Variants in CDC14B observed in about 807,000 individuals in gnomAD.
The protein encoded by CDC14B is dual specificity protein phosphatase CDC14B.
A neutral mutation model predicts 64.2 loss-of-function variants in CDC14B; 22 were observed. That is an observed-to-expected ratio of 0.34 (90% CI 0.24 to 0.49). The LOEUF (loss-of-function observed/expected upper bound fraction) is 0.49. Among genes scored for constraint, CDC14B ranks in the 20% least tolerant of loss-of-function variants. The pLI, the probability that CDC14B is intolerant of heterozygous loss-of-function variation, is 0.99. For missense variants in CDC14B, 498 were observed against 629.9 expected, an observed-to-expected ratio of 0.79 and a Z score of 2.24; for synonymous variants, 191 against 215.8, an observed-to-expected ratio of 0.89 and a Z score of 1.01.
chr9:96,529,723 G>A (rs548406724), intron 9 of CDC14B, among the ~76,000 whole-genome samples: 5 of 151,922 alleles, frequency 3.3e-5, no homozygotes, highest in African/African-American at 9.7e-5. Context: ...AAACTCCTGG[G>A]CTCAAGCAAT....
chr9:96,564,933 A>C, intron 2 of CDC14B, 81 bp from the exon 3 acceptor site: 1 of 867,786 alleles, frequency 1.2e-6, no homozygotes, highest in East Asian at 2.7e-5. Context: ...TACAAGATCA[A>C]ATTAAGATAA....
intron 1 of CDC14B, among the ~76,000 whole-genome samples, chr9:96,585,193 G>A (rs1845387927): frequency 6.6e-6 from 1 of 151,574 alleles, no homozygotes; most frequent in Non-Finnish European, 1.5e-5. Flanking sequence ...AAAGAAAATG[G>A]TGTGGAAGGG....
intron 1 of CDC14B, among the ~76,000 whole-genome samples, chr9:96,573,065 T>C (rs1285249629): frequency 2.0e-5 from 3 of 152,270 alleles, no homozygotes; most frequent in Admixed American, 6.5e-5. Flanking sequence ...TCCCAGCACT[T>C]TGGGAGGCCG....
chr9:96,494,604 G>C (rs1833169698), intron 13 of CDC14B, among the ~76,000 whole-genome samples: 1 of 152,162 alleles, frequency 6.6e-6, no homozygotes, highest in South Asian at 2.1e-4. Context: ...TCCCAAACCA[G>C]ATTGCAAAGG....
In CDC14B at chr9:96,522,504, A is replaced by C. The variant is rs1836888290; in HGVS notation, c.1343+2T>G. The C allele has an allele frequency of 6.3e-7, 1 of 1,599,478 alleles. No homozygotes were observed. Among genetic ancestry groups the C allele is most frequent in the Admixed American group, 1.7e-5 (1 of 59,980 alleles). ...AACCACAACAAAGGAACCCAGACTC[A>C]CGTGAGAGGAATAGCGTTTGTTTTG... On this transcript the variant is annotated splice_donor_variant, in intron 12 of 13. Transcript: ENST00000375241. LOFTEE classifies it high-confidence loss of function.
chr9:96,490,976 A>C (rs988889392), exon 14 of CDC14B: 1 of 152,236 alleles, frequency 6.6e-6, no homozygotes, highest in African/African-American at 2.4e-5. Flanking sequence ...TTTTGGTGAA[A>C]GTTTGGGGTT....
At chr9:96,509,603 G>A (rs903812870) in intron 13 of CDC14B, 70 bp downstream of exon 13, 4 of 886,594 alleles carry the variant, frequency 4.5e-6, no homozygotes, top group South Asian at 1.4e-5. Flanking sequence ...GTCTCCAGAG[G>A]TAGGGTCCAA....
chr9:96,573,528 G>A (rs1224241488), intron 1 of CDC14B, among the ~76,000 whole-genome samples: 5 of 152,072 alleles, frequency 3.3e-5, no homozygotes. Flanking sequence ...TCAACAGGAA[G>A]ACTCAATATC....
At chr9:96,511,400 GTC>G in intron 12 of CDC14B, among the ~76,000 whole-genome samples, 1 of 152,228 alleles carries the variant, frequency 6.6e-6, no homozygotes, top group East Asian at 1.9e-4. Flanking sequence ...GTGAAACCCC[GTC>G]TCTACTAAAA....
At chr9:96,543,378 A>G (rs1840363862) in intron 5 of CDC14B, among the ~76,000 whole-genome samples, 1 of 151,828 alleles carries the variant, frequency 6.6e-6, no homozygotes, top group Non-Finnish European at 1.5e-5. Flanking sequence ...CAGTCTTCTC[A>G]CCTTTTTGGC....
intron 1 of CDC14B, among the ~76,000 whole-genome samples, chr9:96,589,985 T>C (rs1845686291): frequency 6.6e-6 from 1 of 151,698 alleles, no homozygotes; most frequent in South Asian, 2.1e-4. Context: ...AGTTTTTAAA[T>C]TGTGGTCAAA....
At chr9:96,610,210 T>C (rs992903928) in intron 1 of CDC14B, among the ~76,000 whole-genome samples, 2 of 152,194 alleles carry the variant, frequency 1.3e-5, no homozygotes, top group African/African-American at 4.8e-5. Flanking sequence ...TATTTATTTA[T>C]TTTTTGAGAT....
At chr9:96,508,403 A>G (rs1274028722) in intron 13 of CDC14B, among the ~76,000 whole-genome samples, 1 of 152,232 alleles carries the variant, frequency 6.6e-6, no homozygotes, top group Non-Finnish European at 1.5e-5. Context: ...ATTTGGCATA[A>G]TGTAACAATC....
intron 1 of CDC14B, among the ~76,000 whole-genome samples, chr9:96,579,969 T>C (rs1845046662): frequency 6.6e-6 from 1 of 152,052 alleles, no homozygotes; most frequent in South Asian, 2.1e-4. Context: ...GTAGCTTATA[T>C]AACAAGGACT....
intron 4 of CDC14B, among the ~76,000 whole-genome samples, chr9:96,559,980 A>G (rs1842944337): frequency 6.6e-6 from 1 of 152,190 alleles, no homozygotes; most frequent in Admixed American, 6.5e-5. Flanking sequence ...ACATACGTCA[A>G]GGGGTTGTTG....
At chr9:96,541,605 A>G (rs1247677493) in intron 6 of CDC14B, among the ~76,000 whole-genome samples, 1 of 152,208 alleles carries the variant, frequency 6.6e-6, no homozygotes, top group Non-Finnish European at 1.5e-5. Flanking sequence ...TTCTTAAGTG[A>G]CTTTTCCCCC....
At position 96,619,133 on chromosome 9, in the gene CDC14B, C is replaced by T. The variant is rs923482725; in HGVS notation, c.160+86G>A. Reference sequence around the variant, plus strand: ...GGCATTTCGGCCCGGCCCCGGAGGCCCCGGGCAGCCCGGTGGGAGGTGGGC... The same window carrying T: ...GGCATTTCGGCCCGGCCCCGGAGGCTCCGGGCAGCCCGGTGGGAGGTGGGC... On this transcript the variant is annotated intron_variant, in intron 1 of 13. Transcript: ENST00000375241. The T allele has an allele frequency of 2.0e-5, 22 of 1,120,620 alleles. No homozygotes were observed. In the African/African-American group the frequency reaches 3.4e-4, roughly 18 times the overall value. 69.4% of individuals were successfully genotyped at this position (1,120,620 alleles called of 1,614,324 possible).
intron 5 of CDC14B, among the ~76,000 whole-genome samples, chr9:96,551,582 A>G (rs1227547036): frequency 6.6e-6 from 1 of 152,154 alleles, no homozygotes; most frequent in Non-Finnish European, 1.5e-5. Context: ...AGTGGGCAGA[A>G]GCCACGGAGG....
intron 8 of CDC14B, 94 bp from the exon 9 acceptor site, chr9:96,534,251 T>C (rs1018278772): frequency 8.4e-6 from 7 of 832,686 alleles, no homozygotes; most frequent in Non-Finnish European, 1.3e-5. Context: ...GTATCTGGAC[T>C]GGGAATTAAA....
Sources: gnomAD v4.1 joint callset for allele counts (sites outside exome capture counted in the v4.1 genomes callset) on GRCh38, gnomAD v4.1.1 for gene constraint, MANE v1.5 for transcripts, NCBI Gene and HGNC (gene_info 2026-07-23, HGNC 2026-07-21) for gene names.